LSAMP: variants seen among roughly 807,000 people sequenced by gnomAD.
The protein encoded by LSAMP is limbic system associated membrane protein, also known as limbic system-associated membrane protein.
A neutral mutation model predicts 38.6 loss-of-function variants in LSAMP; 7 were observed. The observed-to-expected ratio is 0.18, with a 90% CI of 0.10 to 0.34. The LOEUF (loss-of-function observed/expected upper bound fraction) is 0.34, where lower values mean the gene tolerates loss of function less well. Among genes scored for constraint, LSAMP ranks in the 10% least tolerant of loss-of-function variants. The probability of loss-of-function intolerance (pLI) is 1.00; values close to 1 mark genes in which losing one functional copy is unlikely to be tolerated. For synonymous variants in LSAMP, 154 were observed against 166.8 expected (o/e 0.92, Z 0.59); for missense variants, 313 against 420.0 (o/e 0.75, Z 2.23).
intron 3 of LSAMP, among the ~76,000 whole-genome samples, chr3:115,978,255 A>T (rs1939249803): frequency 6.6e-6 from 1 of 152,198 alleles, no homozygotes; most frequent in Non-Finnish European, 1.5e-5. Flanking sequence ...AAAGTAAAGG[A>T]CAACTTTGGT....
chr3:115,835,856 T>C (rs368411013), intron 6 of LSAMP, among the ~76,000 whole-genome samples: 1 of 152,222 alleles, frequency 6.6e-6, no homozygotes, highest in Non-Finnish European at 1.5e-5. Context: ...TGAACAATTG[T>C]GTGTTAGTTA....
intron 3 of LSAMP, among the ~76,000 whole-genome samples, chr3:115,919,414 A>G (rs1422443310): frequency 2.0e-5 from 3 of 152,170 alleles, no homozygotes. Flanking sequence ...AGTGCCTTAC[A>G]TCAGGCCCAG....
intron 1 of LSAMP, among the ~76,000 whole-genome samples, chr3:116,273,683 C>CAGATATATAT (rs150705226): frequency 0.056 from 2,819 of 50,210 alleles, 191 homozygotes; most frequent in Admixed American, 0.1. Flanking sequence ...GAGAAAGAGG[C>CAGATATATAT]ATATATATAT....
chr3:116,277,968 A>C (rs912755687), intron 1 of LSAMP, among the ~76,000 whole-genome samples: 1 of 152,240 alleles, frequency 6.6e-6, no homozygotes, highest in African/African-American at 2.4e-5. Context: ...TAATTACTGT[A>C]ACACTATTTA....
At chr3:115,963,007 C>G (rs9865369) in intron 3 of LSAMP, among the ~76,000 whole-genome samples, 1 of 152,018 alleles carries the variant, frequency 6.6e-6, no homozygotes, top group African/African-American at 2.4e-5. Flanking sequence ...CAGGGACCAA[C>G]TTACTACTGA....
At chr3:116,140,317 A>G (rs558768571) in intron 1 of LSAMP, among the ~76,000 whole-genome samples, 24 of 151,824 alleles carry the variant, frequency 1.6e-4, no homozygotes, top group African/African-American at 5.8e-4. Flanking sequence ...TCGATTCTAG[A>G]GACACCAGAC....
At chr3:115,906,361 C>T (rs1937008313) in intron 3 of LSAMP, among the ~76,000 whole-genome samples, 1 of 152,032 alleles carries the variant, frequency 6.6e-6, no homozygotes, top group South Asian at 2.1e-4. Flanking sequence ...GCATGTAAGT[C>T]CTGGGAAAAA....
chr3:115,832,396 A>C (rs1402447414), intron 6 of LSAMP, among the ~76,000 whole-genome samples: 2 of 152,232 alleles, frequency 1.3e-5, no homozygotes, highest in Non-Finnish European at 2.9e-5. Context: ...GAGTTCATAA[A>C]GATGGTGACA....
At chr3:116,173,084 A>G (rs1710243487) in intron 1 of LSAMP, among the ~76,000 whole-genome samples, 1 of 152,082 alleles carries the variant, frequency 6.6e-6, no homozygotes, top group African/African-American at 2.4e-5. Flanking sequence ...GATAACTAAA[A>G]GAACAAGGTT....
intron 1 of LSAMP, among the ~76,000 whole-genome samples, chr3:116,408,909 C>T (rs2048934712): frequency 6.6e-6 from 1 of 152,008 alleles, no homozygotes; most frequent in Non-Finnish European, 1.5e-5. Context: ...AGTATGTGGT[C>T]CAGTGCCTAC....
chr3:116,082,757 G>A (rs1707899661), intron 2 of LSAMP, among the ~76,000 whole-genome samples: 1 of 152,134 alleles, frequency 6.6e-6, no homozygotes, highest in Admixed American at 6.6e-5. Context: ...GGGGCTGTAG[G>A]CTATCATCCC....
At position 115,854,286 on chromosome 3, in the gene LSAMP, T is replaced by A. The variant is rs58711087; in HGVS notation, c.515-1669A>T. ...ATTATTATTATTATTATTATTATTT[T>A]TTTTTTTTTTTTTTGAGATGGAGTC... is the stretch of plus-strand genomic sequence containing the variant. On this transcript the variant is annotated intron_variant, in intron 3 of 6. Transcript: ENST00000490035. 7.9e-3 allele frequency among the ~76,000 whole-genome samples: 918 copies of A among 116,380 alleles called. 3 individuals carry two copies. The highest frequency in any genetic ancestry group is 0.01 in the African/African-American group (304 of 30,104). The allele number at this position is 116,380 out of a possible 152,430, so 76.3% of individuals were successfully genotyped here.
At chr3:115,898,353 A>G (rs1435805560) in intron 3 of LSAMP, among the ~76,000 whole-genome samples, 1 of 152,114 alleles carries the variant, frequency 6.6e-6, no homozygotes, top group Non-Finnish European at 1.5e-5. Flanking sequence ...TTGACTATAG[A>G]ACTGTTTTAC....
intron 1 of LSAMP, among the ~76,000 whole-genome samples, chr3:116,170,834 A>C (rs967841568): frequency 6.6e-6 from 1 of 151,870 alleles, no homozygotes; most frequent in African/African-American, 2.4e-5. Context: ...GAGGTACACA[A>C]GTTGGGCAGG....
chr3:116,037,693 A>G lies in LSAMP; in HGVS notation c.389-18053T>C, dbSNP rs77302685. Among the ~76,000 whole-genome samples the G allele has an allele frequency of 1.6e-3, 241 of 152,272 alleles. 8 individuals carry two copies. In the East Asian group the frequency reaches 0.04, roughly 25 times the overall value. On this transcript the variant is annotated intron_variant, in intron 2 of 6. Transcript: ENST00000490035. ...TAAAATTGAGCCAGAATTGTATGGTAACATTACTGATTTTTATGTAGGGCT... is the reference window on the plus strand; with the variant it reads ...TAAAATTGAGCCAGAATTGTATGGTGACATTACTGATTTTTATGTAGGGCT...
At chr3:116,173,203 T>C (rs1361781276) in intron 1 of LSAMP, among the ~76,000 whole-genome samples, 1 of 152,060 alleles carries the variant, frequency 6.6e-6, no homozygotes, top group Non-Finnish European at 1.5e-5. Context: ...CAATAAATGT[T>C]GGATGAATAA....
chr3:116,344,065 A>C (rs900281002), intron 1 of LSAMP, among the ~76,000 whole-genome samples: 1 of 152,170 alleles, frequency 6.6e-6, no homozygotes, highest in Non-Finnish European at 1.5e-5. Flanking sequence ...TAATAAGCTC[A>C]TCATGTGGGT....
At chr3:115,951,652 G>T (rs1478507264) in intron 3 of LSAMP, among the ~76,000 whole-genome samples, 1 of 152,124 alleles carries the variant, frequency 6.6e-6, no homozygotes, top group South Asian at 2.1e-4. Context: ...GCAGAGGAAC[G>T]TGGAAAGACT....
chr3:116,074,469 C>G (rs1231126032), intron 2 of LSAMP, among the ~76,000 whole-genome samples: 1 of 152,058 alleles, frequency 6.6e-6, no homozygotes, highest in Non-Finnish European at 1.5e-5. Context: ...TGCCCAAAAC[C>G]ATTTGTATTT....
Sources: allele counts gnomAD v4.1 joint callset (sites outside exome capture counted in the v4.1 genomes callset), GRCh38; gene constraint gnomAD v4.1.1; transcripts MANE v1.5; gene names NCBI Gene and HGNC (gene_info 2026-07-23, HGNC 2026-07-21).